TAF3: variants seen among roughly 807,000 people sequenced by gnomAD.
The protein encoded by TAF3 is TATA-box binding protein associated factor 3.
Under a neutral mutation model 80.6 loss-of-function variants are expected in TAF3, and 7 were observed. The observed-to-expected ratio is 0.09, with a 90% CI of 0.05 to 0.16. TAF3 has a LOEUF of 0.16. Ranked by LOEUF, TAF3 falls within the 10% of genes least tolerant of loss-of-function variation. The pLI is 1.00. For synonymous variants in TAF3, 444 were observed against 446.1 expected, an observed-to-expected ratio of 1.00 and a Z score of 0.06; for missense variants, 921 against 1,140.2, an observed-to-expected ratio of 0.81 and a Z score of 2.77.
intron 4 of TAF3, among the ~76,000 whole-genome samples, chr10:8,000,181 G>C (rs1267004981): frequency 6.6e-6 from 1 of 152,074 alleles, no homozygotes; most frequent in African/African-American, 2.4e-5. Flanking sequence ...CCAGGCTAGA[G>C]TGCAGTGGCA....
chr10:7,924,713 C>T (rs746213784), intron 2 of TAF3, among the ~76,000 whole-genome samples: 2 of 151,420 alleles, frequency 1.3e-5, no homozygotes, highest in African/African-American at 2.4e-5. Flanking sequence ...AAAAGAAAAA[C>T]GCTCATAATC....
chr10:7,859,119 G>A (rs933802031), intron 2 of TAF3, among the ~76,000 whole-genome samples: 2 of 151,970 alleles, frequency 1.3e-5, no homozygotes, highest in Non-Finnish European at 2.9e-5. Flanking sequence ...AAAATTAGCT[G>A]GGCGTGTGGT....
chr10:7,950,272 G>A (rs1838069968), intron 2 of TAF3, among the ~76,000 whole-genome samples: 1 of 152,220 alleles, frequency 6.6e-6, no homozygotes, highest in African/African-American at 2.4e-5. Context: ...GAGAGATAGA[G>A]AAATATAGAA....
chr10:7,951,596 A>C (rs1838082948), intron 2 of TAF3, among the ~76,000 whole-genome samples: 2 of 152,332 alleles, frequency 1.3e-5, no homozygotes, highest in South Asian at 4.1e-4. Context: ...CAGCCACCCA[A>C]AATCATGTCC....
intron 2 of TAF3, among the ~76,000 whole-genome samples, chr10:7,939,120 T>C (rs1321863301): frequency 6.6e-6 from 1 of 152,180 alleles, no homozygotes; most frequent in Non-Finnish European, 1.5e-5. Context: ...AAGGCAGGGA[T>C]GTAAAAGATA....
At chr10:8,002,023 T>C (rs1588346370) in intron 4 of TAF3, among the ~76,000 whole-genome samples, 1 of 152,218 alleles carries the variant, frequency 6.6e-6, no homozygotes, top group East Asian at 1.9e-4. Flanking sequence ...GAATGGCTAT[T>C]GTAAGATAGA....
At chr10:7,925,107 T>G (rs1228401572) in intron 2 of TAF3, among the ~76,000 whole-genome samples, 1 of 152,230 alleles carries the variant, frequency 6.6e-6, no homozygotes, top group Non-Finnish European at 1.5e-5. Flanking sequence ...TAACTAATAC[T>G]GGCAACTTAA....
intron 2 of TAF3, among the ~76,000 whole-genome samples, chr10:7,949,485 G>T (rs193145871): frequency 2.0e-5 from 3 of 152,196 alleles, no homozygotes; most frequent in Non-Finnish European, 4.4e-5. Context: ...CTTTCCCTTT[G>T]CATCGCATTA....
chr10:7,838,176 G>A (rs181293151), intron 2 of TAF3, among the ~76,000 whole-genome samples: 43 of 152,254 alleles, frequency 2.8e-4, no homozygotes, highest in African/African-American at 9.6e-4. Context: ...AGTTGACTCC[G>A]TTCAGTGCTG....
intron 4 of TAF3, among the ~76,000 whole-genome samples, chr10:8,007,562 TTATATATATATATATATATATATATATA>T (rs34833399): frequency 0.047 from 2,825 of 60,562 alleles, 154 homozygotes; most frequent in South Asian, 0.12. Flanking sequence ...GTGTGTGAAA[TTATATATATATATATATATATATATATA>T]TATATATATA....
chr10:7,998,269 A>G (rs868805575), intron 4 of TAF3, among the ~76,000 whole-genome samples: 5 of 140,792 alleles, frequency 3.6e-5, no homozygotes, highest in African/African-American at 1.4e-4. Flanking sequence ...ATATATGTAT[A>G]TATATATATA....
intron 2 of TAF3, among the ~76,000 whole-genome samples, chr10:7,863,177 A>G (rs1185831728): frequency 6.6e-6 from 1 of 152,164 alleles, no homozygotes; most frequent in Non-Finnish European, 1.5e-5. Context: ...CTTGACACTG[A>G]GTTCTTTGCA....
At chr10:7,987,719 G>A (rs2063008907) in intron 4 of TAF3, among the ~76,000 whole-genome samples, 1 of 152,184 alleles carries the variant, frequency 6.6e-6, no homozygotes, top group African/African-American at 2.4e-5. Context: ...CTAAAATTGA[G>A]CAAGACTCTG....
At chr10:7,938,363 T>C (rs112643569) in intron 2 of TAF3, among the ~76,000 whole-genome samples, 1,669 of 152,262 alleles carry the variant, frequency 0.011, 20 homozygotes, top group Middle Eastern at 0.031. Flanking sequence ...TGTTATATTT[T>C]AGTTCAGGGG....
chr10:7,992,401 T>G (rs1831843670), intron 4 of TAF3, among the ~76,000 whole-genome samples: 1 of 152,222 alleles, frequency 6.6e-6, no homozygotes, highest in Non-Finnish European at 1.5e-5. Flanking sequence ...TTGGATCAGA[T>G]GTTAATTCTC....
At chr10:7,888,949 G>A (rs943436116) in intron 2 of TAF3, among the ~76,000 whole-genome samples, 3 of 152,172 alleles carry the variant, frequency 2.0e-5, no homozygotes, top group Non-Finnish European at 4.4e-5. Flanking sequence ...AGATTAGCCC[G>A]TGATTGCAGC....
chr10:7,958,511 A>G (rs765031135), intron 2 of TAF3, among the ~76,000 whole-genome samples: 1 of 152,098 alleles, frequency 6.6e-6, no homozygotes. Context: ...AAATTATAGT[A>G]TCATACTATT....
intron 2 of TAF3, among the ~76,000 whole-genome samples, chr10:7,843,132 T>G (rs1350226988): frequency 2.0e-5 from 3 of 152,136 alleles, no homozygotes; most frequent in African/African-American, 7.2e-5. Flanking sequence ...GTGAATATGT[T>G]CTTGAGACAG....
intron 2 of TAF3, among the ~76,000 whole-genome samples, chr10:7,920,548 A>G (rs550065072): frequency 6.6e-6 from 1 of 152,318 alleles, no homozygotes; most frequent in East Asian, 1.9e-4. Context: ...AATGAAATAG[A>G]AAATAATCTT....
Sources: allele counts gnomAD v4.1 joint callset (sites outside exome capture counted in the v4.1 genomes callset), GRCh38; gene constraint gnomAD v4.1.1; transcripts MANE v1.5; gene names NCBI Gene and HGNC (gene_info 2026-07-23, HGNC 2026-07-21).